The following AGPAT3 variants were observed in gnomAD, a reference collection of about 807,000 sequenced individuals.
AGPAT3 encodes the protein 1-acylglycerol-3-phosphate O-acyltransferase 3.
A neutral mutation model predicts 47.3 loss-of-function variants in AGPAT3; 5 were observed. The ratio of observed to expected loss-of-function variants is 0.11; its 90% CI spans 0.06 to 0.22. The LOEUF (loss-of-function observed/expected upper bound fraction) is 0.22, where lower values mean the gene tolerates loss of function less well. AGPAT3 is among the 10% of genes least tolerant of loss of function. The pLI is 1.00. For synonymous variants in AGPAT3, 212 were observed against 208.3 expected, an observed-to-expected ratio of 1.02 and a Z score of -0.15; for missense variants, 315 against 493.0, an observed-to-expected ratio of 0.64 and a Z score of 3.42.
chr21:43,870,306 A>G (rs1399521141), intron 1 of AGPAT3, among the ~76,000 whole-genome samples: 2 of 152,202 alleles, frequency 1.3e-5, no homozygotes, highest in Non-Finnish European at 2.9e-5. Flanking sequence ...GTTCTAGAAC[A>G]TTGGTTAGAA....
At chr21:43,876,984 G>C (rs2085747566) in intron 1 of AGPAT3, among the ~76,000 whole-genome samples, 1 of 152,072 alleles carries the variant, frequency 6.6e-6, no homozygotes, top group African/African-American at 2.4e-5. Flanking sequence ...TCAGTCTCCT[G>C]AGTAGCTGGG....
intron 1 of AGPAT3, among the ~76,000 whole-genome samples, chr21:43,885,111 C>A (rs115504871): frequency 7.9e-5 from 12 of 152,232 alleles, no homozygotes; most frequent in Non-Finnish European, 1.8e-4. Flanking sequence ...GTACACTGGC[C>A]GGCCGTGCTC....
In AGPAT3 at chr21:43,934,930, A is replaced by T. The variant is rs1172780573; in HGVS notation, c.-48-24704A>T. Among the ~76,000 whole-genome samples, 2 of 147,666 alleles carry T rather than the reference A, an allele frequency of 1.4e-5. No homozygotes were observed. Among genetic ancestry groups the T allele is most frequent in the Non-Finnish European group, 3.0e-5 (2 of 66,872 alleles). ...CACCCACACCACCTCTGCCCCTCACATGTCACCCACGCCACTCACATGCCA... is the reference window on the plus strand; with the variant it reads ...CACCCACACCACCTCTGCCCCTCACTTGTCACCCACGCCACTCACATGCCA... On this transcript the variant is annotated intron_variant, in intron 2 of 9. Transcript: ENST00000291572. This position sits in a 1 kb window ranked among gnomAD's most constrained non-coding sequence, Gnocchi z 4.7.
rs181261887 is a variant in AGPAT3, at chr21:43,970,961, C to T, written c.664+155C>T. Among the ~76,000 whole-genome samples, 28 of 151,686 alleles carry T rather than the reference C, an allele frequency of 1.8e-4. No homozygotes were observed. The East Asian group carries it at 4.6e-3, about 25-fold the overall frequency. ...GAGGGGGTCGGCGCCGCAAGGTTCC[C>T]GCGTCAGGTTTTGAGGTGATAAAAT... On this transcript the variant is annotated intron_variant, in intron 6 of 9. Transcript: ENST00000291572. The surrounding 1 kb of genome is among the most constrained non-coding windows in gnomAD (Gnocchi z 5.8).
At chr21:43,927,176 T>C (rs2087084860) in intron 2 of AGPAT3, among the ~76,000 whole-genome samples, 2 of 152,124 alleles carry the variant, frequency 1.3e-5, no homozygotes, top group African/African-American at 4.8e-5. Flanking sequence ...TCTGACCATG[T>C]ACCTCGTCTT....
At chr21:43,968,846 C>T (rs988487150) in intron 4 of AGPAT3, among the ~76,000 whole-genome samples, 1 of 152,180 alleles carries the variant, frequency 6.6e-6, no homozygotes, top group African/African-American at 2.4e-5. Flanking sequence ...ACCCCCAGGC[C>T]ACCCCCCGGA....
chr21:43,865,278 G>GC lies in AGPAT3; in HGVS notation c.-179_-178insC, dbSNP rs2085477821. 1 of 146,828 alleles carries GC rather than the reference G, an allele frequency of 6.8e-6. No homozygotes were observed. The highest frequency in any genetic ancestry group is 1.5e-5 in the Non-Finnish European group (1 of 65,860). 9.1% of individuals were successfully genotyped at this position (146,828 alleles called of 1,614,324 possible). Reference sequence around the variant, plus strand: ...CGGGCCCAGGGCCGAGGAGCGCGGCGGCCAGAGCGGGGCCGCGGAGGCGAC... The same window carrying GC: ...CGGGCCCAGGGCCGAGGAGCGCGGCGCGCCAGAGCGGGGCCGCGGAGGCGAC... On this transcript the variant is annotated 5_prime_UTR_variant, in exon 1 of 10. Coordinates refer to ENST00000291572, the MANE Select transcript of AGPAT3 (RefSeq NM_020132.5).
Position 43,934,071 on chromosome 21 carries a change from T to C in AGPAT3, c.-48-25563T>C, listed in dbSNP as rs974246981. Among the ~76,000 whole-genome samples, 15 of 152,214 alleles carry C rather than the reference T, an allele frequency of 9.9e-5. No individual in the cohort carries two copies. Among genetic ancestry groups the C allele is most frequent in the Non-Finnish European group, 1.9e-4 (13 of 68,032 alleles). On this transcript the variant is annotated intron_variant, in intron 2 of 9. Transcript: ENST00000291572. This position sits in a 1 kb window ranked among gnomAD's most constrained non-coding sequence, Gnocchi z 4.7. ...GGGGCAGTGGAGCAGGTGTCTGCCC[T>C]ACATTGCTCATCCTTGGTAGTTTGG... is the stretch of plus-strand genomic sequence containing the variant.
intron 3 of AGPAT3, among the ~76,000 whole-genome samples, chr21:43,962,149 C>T (rs924856231): frequency 1.1e-4 from 16 of 151,858 alleles, no homozygotes; most frequent in Non-Finnish European, 1.9e-4. Context: ...TACAGGCACC[C>T]GCCACCACTC....
At chr21:43,959,082 T>TGTGTGTGCGGCATGTGTGTGGTTTGC (rs1555909854) in intron 2 of AGPAT3, among the ~76,000 whole-genome samples, 1 of 121,986 alleles carries the variant, frequency 8.2e-6, no homozygotes, top group African/African-American at 3.5e-5. Flanking sequence ...GTGTGGTTTG[T>TGTGTGTGCGGCATGTGTGTGGTTTGC]GGTGTGTGTG....
intron 1 of AGPAT3, 130 bp from the exon 2 acceptor site, chr21:43,903,827 T>C (rs116233028): frequency 6.6e-6 from 1 of 152,416 alleles, no homozygotes; most frequent in South Asian, 2.1e-4. Flanking sequence ...CGGGAAAGGA[T>C]GTTAATGCGT....
chr21:43,906,751 C>CT (rs1450248140), intron 2 of AGPAT3, among the ~76,000 whole-genome samples: 1 of 152,246 alleles, frequency 6.6e-6, no homozygotes, highest in Non-Finnish European at 1.5e-5. Flanking sequence ...CCTGTGTGCC[C>CT]TGCGGAGGTG....
intron 2 of AGPAT3, among the ~76,000 whole-genome samples, chr21:43,936,808 G>A (rs954320642): frequency 2.6e-5 from 4 of 152,238 alleles, no homozygotes; most frequent in African/African-American, 9.6e-5. Context: ...CGCCTAAAGC[G>A]GCTCCCAGGC....
chr21:43,878,274 C>G (rs1166422047), intron 1 of AGPAT3, among the ~76,000 whole-genome samples: 2 of 152,264 alleles, frequency 1.3e-5, no homozygotes, highest in Non-Finnish European at 1.5e-5. Context: ...CTGGATGTCA[C>G]TTTGCCGAGG....
At chr21:43,918,531 TG>T (rs2086811702) in intron 2 of AGPAT3, among the ~76,000 whole-genome samples, 1 of 151,604 alleles carries the variant, frequency 6.6e-6, no homozygotes. Flanking sequence ...GGGGGACACT[TG>T]GTTACATTTT....
In AGPAT3 at chr21:43,870,324, T is replaced by A. The variant is rs6650870; in HGVS notation, c.-112+4979T>A. 3.6e-3 allele frequency among the ~76,000 whole-genome samples: 544 copies of A among 152,278 alleles called. 2 individuals are homozygous for A. The highest frequency in any genetic ancestry group is 0.012 in the African/African-American group (517 of 41,546). On this transcript the variant is annotated intron_variant, in intron 1 of 9. Transcript: ENST00000291572. ...CTAGAACATTGGTTAGAAAATATGT[T>A]TGTCGTGCAGTTCAGTTCCAGCTCC... is the stretch of plus-strand genomic sequence containing the variant.
Position 43,981,034 on chromosome 21 carries a change from G to T in AGPAT3, c.889G>T (p.Glu297Ter). The T allele has an allele frequency of 6.2e-7, 1 of 1,614,186 alleles. No homozygotes were observed. Among genetic ancestry groups the T allele is most frequent in the African/African-American group, 1.3e-5 (1 of 75,044 alleles). The change falls in exon 9 of 10, where the codon GAG (glutamate) becomes TAG (stop). Residue 297 changes from glutamate to a stop codon, truncating the protein, a stop_gained. Coordinates refer to ENST00000291572, the MANE Select transcript of AGPAT3 (RefSeq NM_020132.5). LOFTEE classifies it high-confidence loss of function. The surrounding 1 kb of genome is among the most constrained non-coding windows in gnomAD (Gnocchi z 5.3). ...TAATCAGAAGGGCATGTTTCCAGGG[G>T]AGCAGTTTAAGCCTGCCCGGAGGCC... ...IYNQKGMFPG[E>*]QFKPARRPWT...
intron 8 of AGPAT3, 93 bp from the exon 9 acceptor site, chr21:43,980,896 A>G (rs1601489336): frequency 1.6e-6 from 2 of 1,225,474 alleles, no homozygotes; most frequent in East Asian, 4.7e-5. Context: ...TTTTAGGTTG[A>G]GTCGTTTTTC....
chr21:43,887,586 G>GCACA (rs144954422), intron 1 of AGPAT3, among the ~76,000 whole-genome samples: 1 of 151,336 alleles, frequency 6.6e-6, no homozygotes, highest in Non-Finnish European at 1.5e-5. Context: ...GTGCGCACAC[G>GCACA]CACACACACA....
Sources: gnomAD v4.1 joint callset for allele counts (sites outside exome capture counted in the v4.1 genomes callset) on GRCh38, gnomAD v4.1.1 for gene constraint, Gnocchi (gnomAD v3.1) non-coding constraint, MANE v1.5 for transcripts, NCBI Gene and HGNC (gene_info 2026-07-23, HGNC 2026-07-21) for gene names.